NBPF15: variants seen among roughly 807,000 people sequenced by gnomAD.
NBPF15 encodes NBPF family member NBPF15.
In NBPF15, 74 loss-of-function variants were observed where a neutral mutation model predicts 62.2. The observed-to-expected ratio is 1.19, with a 90% CI of 0.99 to 1.44. NBPF15 has a LOEUF of 1.44. Ranked by LOEUF, NBPF15 falls within the 40% of genes most tolerant of loss-of-function variation. NBPF15 has a pLI of 0.00. For synonymous variants in NBPF15, 244 were observed against 209.7 expected, an observed-to-expected ratio of 1.16 and a Z score of -1.41; for missense variants, 790 against 550.0, an observed-to-expected ratio of 1.44 and a Z score of -4.36.
chr1:144,426,116 C>A (rs1669419415), intron 18 of NBPF15, among the ~76,000 whole-genome samples, 162 bp downstream of exon 18: 1 of 105,242 alleles, frequency 9.5e-6, no homozygotes, highest in Non-Finnish European at 1.8e-5. Context: ...CATGTCTAGG[C>A]TTCCAACTGA....
intron 8 of NBPF15, among the ~76,000 whole-genome samples, chr1:144,439,014 T>C (rs2102179480): frequency 6.6e-6 from 1 of 151,956 alleles, no homozygotes; most frequent in Admixed American, 6.6e-5. Flanking sequence ...TTAACAGTCT[T>C]GCCCTGTCGC....
At chr1:144,457,611 A>G (rs11486101) in intron 3 of NBPF15, among the ~76,000 whole-genome samples, 12,007 of 151,746 alleles carry the variant, frequency 0.079, 1,247 homozygotes, top group African/African-American at 0.24. Context: ...ATGCCAGGCA[A>G]GGTCAAGTAC....
chr1:144,455,723 C>A (rs1181219036), intron 4 of NBPF15, among the ~76,000 whole-genome samples: 3 of 151,916 alleles, frequency 2.0e-5, no homozygotes, highest in African/African-American at 7.3e-5. Flanking sequence ...ACCTGGTGGA[C>A]GGCCACGTGA....
In NBPF15 at chr1:144,438,422, C is replaced by A. The variant is rs1486935625; in HGVS notation, c.176-375G>T. On this transcript the variant is annotated intron_variant, in intron 8 of 21. Coordinates refer to ENST00000581897, the MANE Select transcript of NBPF15 (RefSeq NM_001385408.1). ...ATGAAGTAGTGATTTCTCGTACAGT[C>A]GGGAAGGCCCCTAGGACTATGGGAC... 2.6e-5 allele frequency among the ~76,000 whole-genome samples: 4 copies of A among 151,868 alleles called. 1 individual carries two copies. Among genetic ancestry groups the A allele is most frequent in the Non-Finnish European group, 5.9e-5 (4 of 67,968 alleles).
intron 13 of NBPF15, among the ~76,000 whole-genome samples, chr1:144,432,778 C>G (rs1477038364): frequency 3.3e-5 from 5 of 151,806 alleles, no homozygotes; most frequent in South Asian, 2.1e-4. Context: ...TATATGCACC[C>G]TATACAGGAG....
intron 5 of NBPF15, among the ~76,000 whole-genome samples, chr1:144,450,128 GCCACAC>G (rs1690156623): frequency 8.7e-6 from 1 of 114,450 alleles, no homozygotes; most frequent in South Asian, 3.6e-4. Flanking sequence ...CCCCAAACAT[GCCACAC>G]CCTTGTCTCT....
At chr1:144,423,354 A>G (rs1194111144) in intron 21 of NBPF15, 98 bp from the exon 22 acceptor site, 2 of 1,606,202 alleles carry the variant, frequency 1.2e-6, no homozygotes, top group Non-Finnish European at 8.5e-7. Context: ...TGGTTAGAAA[A>G]GAAAAAGGAT....
At chr1:144,438,725 C>T (rs1213071507) in intron 8 of NBPF15, among the ~76,000 whole-genome samples, 2 of 151,910 alleles carry the variant, frequency 1.3e-5, no homozygotes, top group Non-Finnish European at 2.9e-5. Context: ...ATGTAATTCA[C>T]TGCAGCAATT....
intron 4 of NBPF15, among the ~76,000 whole-genome samples, chr1:144,452,493 C>G (rs1244066246): frequency 6.6e-6 from 1 of 151,254 alleles, no homozygotes; most frequent in Non-Finnish European, 1.5e-5. Context: ...CTATTCAGAC[C>G]CAGTCATGGG....
chr1:144,444,539 A>G (rs1167407179), intron 6 of NBPF15, among the ~76,000 whole-genome samples: 3 of 151,690 alleles, frequency 2.0e-5, no homozygotes, highest in Non-Finnish European at 4.4e-5. Context: ...CAGCACCTAG[A>G]CCCATTTAGA....
At position 144,440,207 on chromosome 1, in the gene NBPF15, G is replaced by A; in HGVS notation, c.-102C>T. 3.3e-6 allele frequency: 5 copies of A among 1,526,002 alleles called. No individual in the cohort carries two copies. The highest frequency in any genetic ancestry group is 2.4e-5 in the East Asian group (1 of 41,782). 94.5% of individuals were successfully genotyped at this position (1,526,002 alleles called of 1,614,324 possible). On this transcript the variant is annotated 5_prime_UTR_variant, in exon 7 of 22. Transcript: ENST00000581897. ...CCTTCACCACAAAAACAAGGTTCGA[G>A]GTGCCTCAACTCAGAGCTGAAAGCA...
At chr1:144,451,253 A>G in intron 4 of NBPF15, among the ~76,000 whole-genome samples, 1 of 152,050 alleles carries the variant, frequency 6.6e-6, no homozygotes, top group Middle Eastern at 3.4e-3. Context: ...AAAGAGCAGT[A>G]TTGCTGCCAG....
chr1:144,449,470 A>C (rs1689719595), intron 5 of NBPF15, among the ~76,000 whole-genome samples: 1 of 150,148 alleles, frequency 6.7e-6, no homozygotes, highest in Non-Finnish European at 1.5e-5. Flanking sequence ...GGATCAATAA[A>C]CTGTGATACA....
intron 17 of NBPF15, among the ~76,000 whole-genome samples, chr1:144,426,714 C>T (rs1479742891): frequency 5.3e-5 from 8 of 151,472 alleles, no homozygotes; most frequent in Non-Finnish European, 1.0e-4. Flanking sequence ...ATGAAGGGGT[C>T]AAAGGACACT....
chr1:144,440,332 T>C (rs1460350262), intron 6 of NBPF15, 37 bp from the exon 7 acceptor site: 88 of 1,210,406 alleles, frequency 7.3e-5, no homozygotes, highest in Non-Finnish European at 9.6e-5. Flanking sequence ...GGTGGGGGTG[T>C]CATGGAATCT....
At chr1:144,441,326 C>A (rs1383380593) in intron 6 of NBPF15, among the ~76,000 whole-genome samples, 4 of 151,868 alleles carry the variant, frequency 2.6e-5, no homozygotes, top group Non-Finnish European at 4.4e-5. Context: ...TCTACATTCC[C>A]ACACACTTAA....
chr1:144,459,062 A>AT (rs1553547729), intron 3 of NBPF15, among the ~76,000 whole-genome samples: 1 of 151,644 alleles, frequency 6.6e-6, no homozygotes, highest in East Asian at 1.9e-4. Flanking sequence ...AAATGCAAAA[A>AT]CTAAAATAAA....
rs1160423575 is a variant in NBPF15, at chr1:144,426,985, C to T, written c.1265+62G>A. ...TGAAATTGAACACACTCTTGTTTTC[C>T]CTGGACCTGGCATCTCCAGGTGTCA... On this transcript the variant is annotated intron_variant, in intron 17 of 21. Coordinates refer to ENST00000581897, the MANE Select transcript of NBPF15 (RefSeq NM_001385408.1). 99 of 744,294 alleles carry T rather than the reference C, an allele frequency of 1.3e-4. 2 individuals are homozygous for T. Among genetic ancestry groups the T allele is most frequent in the Admixed American group, 7.4e-4 (41 of 55,622 alleles). The allele number at this position is 744,294 out of a possible 1,614,324, so 46.1% of individuals were successfully genotyped here.
intron 6 of NBPF15, among the ~76,000 whole-genome samples, chr1:144,447,515 T>C (rs1235812537): frequency 6.6e-6 from 1 of 151,818 alleles, no homozygotes; most frequent in Non-Finnish European, 1.5e-5. Flanking sequence ...ACTACAAGTG[T>C]GCACACAGGG....
Sources: allele counts gnomAD v4.1 joint callset (sites outside exome capture counted in the v4.1 genomes callset), GRCh38; gene constraint gnomAD v4.1.1; transcripts MANE v1.5; gene names NCBI Gene and HGNC (gene_info 2026-07-23, HGNC 2026-07-21).